ERBB4: variants seen among roughly 807,000 people sequenced by gnomAD.
The protein encoded by ERBB4 is erb-b2 receptor tyrosine kinase 4.
A neutral mutation model predicts 158.0 loss-of-function variants in ERBB4; 42 were observed. The ratio of observed to expected loss-of-function variants is 0.27; its 90% confidence interval spans 0.21 to 0.34. The LOEUF (loss-of-function observed/expected upper bound fraction) is 0.34, where lower values mean the gene tolerates loss of function less well. ERBB4 is among the 10% of genes least tolerant of loss of function. The pLI is 1.00. For synonymous variants in ERBB4, 583 were observed against 558.7 expected (o/e 1.04, Z -0.61); for missense variants, 1,333 against 1,624.1 (o/e 0.82, Z 3.08).
chr2:212,223,722 T>C (rs933859768), intron 1 of ERBB4, among the ~76,000 whole-genome samples: 12 of 151,812 alleles, frequency 7.9e-5, no homozygotes, highest in African/African-American at 2.6e-4. Context: ...ATTTACTCTC[T>C]TCTTAAAAAT....
chr2:211,526,007 A>G (rs564650454), intron 20 of ERBB4, among the ~76,000 whole-genome samples: 3 of 152,254 alleles, frequency 2.0e-5, no homozygotes, highest in African/African-American at 7.2e-5. Flanking sequence ...CCTACTGCCC[A>G]TGGCCTGAGG....
intron 9 of ERBB4, among the ~76,000 whole-genome samples, chr2:211,709,254 C>CATATATATATATATAT (rs200613120): frequency 3.0e-5 from 3 of 101,552 alleles, no homozygotes; most frequent in African/African-American, 1.2e-4. Context: ...TATATATACA[C>CATATATATATATATAT]ATATATATAT....
intron 2 of ERBB4, among the ~76,000 whole-genome samples, chr2:211,980,426 C>T (rs1314180397): frequency 2.0e-5 from 3 of 152,084 alleles, no homozygotes; most frequent in Admixed American, 1.3e-4. Flanking sequence ...TGAATCTTTT[C>T]TTGTCAAACT....
At chr2:211,773,598 T>TTATA (rs1171015959) in intron 4 of ERBB4, among the ~76,000 whole-genome samples, 618 of 29,438 alleles carry the variant, frequency 0.021, 11 homozygotes, top group Non-Finnish European at 0.035. Context: ...TTCTGTAACT[T>TTATA]TATATATATA....
chr2:212,404,252 C>T (rs1372791429), intron 1 of ERBB4, among the ~76,000 whole-genome samples: 4 of 152,016 alleles, frequency 2.6e-5, no homozygotes, highest in African/African-American at 7.2e-5. Context: ...GAATTACTTT[C>T]TCAAGTCATC....
intron 1 of ERBB4, among the ~76,000 whole-genome samples, chr2:212,414,206 C>T (rs552031489): frequency 3.3e-4 from 51 of 152,242 alleles, no homozygotes; most frequent in African/African-American, 1.0e-3. Flanking sequence ...TAGTTACATG[C>T]CTTACCACTA....
At position 211,968,904 on chromosome 2, in the gene ERBB4, A is replaced by G. The variant is rs1212421731; in HGVS notation, c.235-21288T>C. Among the ~76,000 whole-genome samples the G allele has an allele frequency of 3.9e-5, 6 of 151,958 alleles. No individual in the cohort carries two copies. In the East Asian group the frequency reaches 1.2e-3, roughly 29 times the overall value. On this transcript the variant is annotated intron_variant, in intron 2 of 27. Transcript: ENST00000342788. ...CTCTTCAATTTGCAAAAGGAATATC[A>G]TTACAACCCATTGAAGGACCTATTC...
chr2:211,678,225 A>T (rs1373548198), intron 13 of ERBB4, among the ~76,000 whole-genome samples: 1 of 152,030 alleles, frequency 6.6e-6, no homozygotes, highest in Admixed American at 6.5e-5. Flanking sequence ...TATTGGGCTA[A>T]GCACTTGTCA....
chr2:212,303,664 A>G (rs2086703898), intron 1 of ERBB4, among the ~76,000 whole-genome samples: 1 of 151,582 alleles, frequency 6.6e-6, no homozygotes, highest in Non-Finnish European at 1.5e-5. Flanking sequence ...CCAAAAGTAT[A>G]GTTAGTTTTG....
intron 19 of ERBB4, among the ~76,000 whole-genome samples, chr2:211,589,154 A>G (rs551665327): frequency 6.6e-6 from 1 of 152,294 alleles, no homozygotes; most frequent in South Asian, 2.1e-4. Flanking sequence ...AGGCCAAGTC[A>G]AAAGTATTTC....
At chr2:212,435,376 T>A (rs2092115799) in intron 1 of ERBB4, among the ~76,000 whole-genome samples, 1 of 152,024 alleles carries the variant, frequency 6.6e-6, no homozygotes, top group African/African-American at 2.4e-5. Context: ...GACTTGATGT[T>A]AAATTTTGGA....
chr2:212,386,535 A>G (rs1465734927), intron 1 of ERBB4, among the ~76,000 whole-genome samples: 1 of 151,064 alleles, frequency 6.6e-6, no homozygotes, highest in Non-Finnish European at 1.5e-5. Flanking sequence ...AGAGAGTTCT[A>G]TTTTGTAAAA....
intron 2 of ERBB4, among the ~76,000 whole-genome samples, chr2:212,113,499 G>A (rs999603515): frequency 1.1e-4 from 16 of 148,968 alleles, no homozygotes; most frequent in Admixed American, 1.4e-4. Context: ...GTGTGAACCC[G>A]GGAGGCGGAG....
rs116978208 is a variant in ERBB4 at position 212,433,278 on chromosome 2, A to G, written c.82+105171T>C. On this transcript the variant is annotated intron_variant, in intron 1 of 27. Transcript: ENST00000342788. ...GTTATTTAAGTTTCAGTTTACATCA[A>G]TTATAAGTGTGAGAATTCACATGGA... is the stretch of plus-strand genomic sequence containing the variant. 1.6e-3 allele frequency among the ~76,000 whole-genome samples: 241 copies of G among 152,134 alleles called. 2 individuals are homozygous for G. The highest frequency in any genetic ancestry group is 9.6e-3 in the East Asian group (50 of 5,186).
At chr2:211,903,238 T>C (rs1478847999) in intron 3 of ERBB4, among the ~76,000 whole-genome samples, 1 of 152,082 alleles carries the variant, frequency 6.6e-6, no homozygotes, top group Admixed American at 6.6e-5. Flanking sequence ...ATGTGATGAA[T>C]TGAGAAGCAT....
chr2:211,637,506 C>T (rs925605603), intron 16 of ERBB4, among the ~76,000 whole-genome samples: 1 of 151,962 alleles, frequency 6.6e-6, no homozygotes, highest in Non-Finnish European at 1.5e-5. Context: ...GGGAAATAAT[C>T]TAATAAAAAT....
intron 3 of ERBB4, among the ~76,000 whole-genome samples, chr2:211,867,621 A>G (rs1032455223): frequency 6.6e-6 from 1 of 152,064 alleles, no homozygotes; most frequent in African/African-American, 2.4e-5. Flanking sequence ...TCTTTAAGAG[A>G]TGGGGTCTTG....
chr2:211,683,431 T>C (rs997308987), intron 12 of ERBB4, among the ~76,000 whole-genome samples: 4 of 152,184 alleles, frequency 2.6e-5, no homozygotes, highest in Non-Finnish European at 5.9e-5. Flanking sequence ...AATGGAATTG[T>C]ACAGTATGTA....
chr2:212,057,101 A>G (rs1019927498), intron 2 of ERBB4, among the ~76,000 whole-genome samples: 1 of 152,190 alleles, frequency 6.6e-6, no homozygotes, highest in African/African-American at 2.4e-5. Context: ...AAGCAAATGG[A>G]AAACAAAAAA....
Sources: gnomAD v4.1 joint callset for allele counts (sites outside exome capture counted in the v4.1 genomes callset) on GRCh38, gnomAD v4.1.1 for gene constraint, MANE v1.5 for transcripts, NCBI Gene and HGNC (gene_info 2026-07-23, HGNC 2026-07-21) for gene names.